PRDM15: variants seen among roughly 807,000 people sequenced by gnomAD.
PRDM15 encodes PR/SET domain 15.
PRDM15 carries 64 observed loss-of-function variants against 128.6 expected under a neutral mutation model. The ratio of observed to expected loss-of-function variants is 0.50; its 90% CI spans 0.41 to 0.61. The LOEUF (loss-of-function observed/expected upper bound fraction) is 0.61, where lower values mean the gene tolerates loss of function less well. PRDM15 is among the 20% of genes least tolerant of loss of function. The probability of loss-of-function intolerance (pLI) is 0.00; values close to 1 mark genes in which losing one functional copy is unlikely to be tolerated. For synonymous variants in PRDM15, 615 were observed against 621.8 expected, an observed-to-expected ratio of 0.99 and a Z score of 0.16; for missense variants, 1,242 against 1,569.1, an observed-to-expected ratio of 0.79 and a Z score of 3.52.
At chr21:41,867,249 C>A in intron 1 of PRDM15, 1 of 1,449,270 alleles carries the variant, frequency 6.9e-7, no homozygotes, top group South Asian at 1.2e-5. Flanking sequence ...AGTCAAACTT[C>A]GTAACACCAA....
intron 21 of PRDM15, among the ~76,000 whole-genome samples, chr21:41,805,093 C>G (rs964078714): frequency 6.6e-6 from 1 of 152,192 alleles, no homozygotes. Context: ...GATGAAGTGA[C>G]GCCCTGCCCC....
intron 1 of PRDM15, among the ~76,000 whole-genome samples, chr21:41,872,883 G>A (rs1490690590): frequency 6.6e-6 from 1 of 152,244 alleles, no homozygotes; most frequent in African/African-American, 2.4e-5. Flanking sequence ...AACTGTGCTA[G>A]GTGGCTTCAC....
At position 41,810,099 on chromosome 21, in the gene PRDM15, T is replaced by C; in HGVS notation, c.2652+55A>G. ...GGTGGGCCATGTGCCAGCATGGGGG[T>C]GTCCGGTGCGCGGCCCGCTGGCGGG... On this transcript the variant is annotated intron_variant, in intron 21 of 23. Transcript: ENST00000398548. The surrounding 1 kb of genome is among the most constrained non-coding windows in gnomAD (Gnocchi z 6.4). The C allele has an allele frequency of 6.5e-7, 1 of 1,542,778 alleles. No homozygotes were observed.
At chr21:41,822,546 G>A (rs2062316743) in intron 14 of PRDM15, among the ~76,000 whole-genome samples, 1 of 152,274 alleles carries the variant, frequency 6.6e-6, no homozygotes, top group African/African-American at 2.4e-5. Context: ...GCCACAGGAG[G>A]TGAGGCCAAT....
intron 11 of PRDM15, among the ~76,000 whole-genome samples, chr21:41,831,768 G>C (rs2146523032): frequency 6.6e-6 from 1 of 152,284 alleles, no homozygotes; most frequent in African/African-American, 2.4e-5. Context: ...CAGGACAGTG[G>C]GAGGTGGCCT....
chr21:41,870,777 AC>A (rs1451952368), intron 1 of PRDM15: 1 of 152,284 alleles, frequency 6.6e-6, no homozygotes, highest in African/African-American at 2.4e-5. Flanking sequence ...AGGATGGTCC[AC>A]ACTGCAGACT....
chr21:41,876,922 A>T (rs1276338488), intron 1 of PRDM15, among the ~76,000 whole-genome samples: 1 of 152,156 alleles, frequency 6.6e-6, no homozygotes, highest in Non-Finnish European at 1.5e-5. Flanking sequence ...CACAGCCAAA[A>T]GATGCAGACT....
intron 19 of PRDM15, chr21:41,815,065 T>G (rs1164074533): frequency 4.5e-5 from 7 of 154,642 alleles, no homozygotes; most frequent in South Asian, 1.9e-4. Context: ...TTCTAAGATC[T>G]TGGCCTTGTG....
chr21:41,856,278 C>T (rs1261321559), intron 4 of PRDM15, among the ~76,000 whole-genome samples: 3 of 93,622 alleles, frequency 3.2e-5, no homozygotes, highest in African/African-American at 4.0e-5. Context: ...TTCCTTCCCT[C>T]CTTCCCCTCC....
At chr21:41,830,469 C>CA (rs2062648572) in intron 11 of PRDM15, among the ~76,000 whole-genome samples, 1 of 151,112 alleles carries the variant, frequency 6.6e-6, no homozygotes, top group Non-Finnish European at 1.5e-5. Flanking sequence ...CACACATACA[C>CA]CACACACACA....
chr21:41,828,269 C>T lies in PRDM15; in HGVS notation c.1431G>A (p.Lys477=). The T allele has an allele frequency of 1.9e-6, 3 of 1,614,038 alleles. No individual in the cohort carries two copies. Among genetic ancestry groups the T allele is most frequent in the Non-Finnish European group, 2.5e-6 (3 of 1,179,974 alleles). ...RFFSTNSNLS[K]HKKKHGDKKF... is the part of the protein sequence containing the mutation. ...TCTTGTCGCCGTGCTTCTTCTTGTG[C>T]TTGGAGAGGTTGCTGTTGGTGGAGA... The change falls in exon 12 of 24, where the codon AAG becomes AAA. Residue 477 remains lysine (K), a synonymous_variant. Coordinates refer to ENST00000398548, the MANE Select transcript of PRDM15 (RefSeq NM_001040424.3). This position sits in a 1 kb window ranked among gnomAD's most constrained non-coding sequence, Gnocchi z 5.7.
rs1010414924 is a variant in PRDM15, at chr21:41,862,971, C to G, written c.-9-2599G>C. On this transcript the variant is annotated intron_variant, in intron 1 of 23. Transcript: ENST00000398548. This position sits in a 1 kb window ranked among gnomAD's most constrained non-coding sequence, Gnocchi z 4.1. ...ATCACTTCAGGTCAGGAGTTCGAGA[C>G]CAGCCTGGCCGACATGGTGAAACCC... Among the ~76,000 whole-genome samples, 53 of 152,144 alleles carry G rather than the reference C, an allele frequency of 3.5e-4. No homozygotes were observed. Among genetic ancestry groups the G allele is most frequent in the Admixed American group, 2.8e-3 (43 of 15,286 alleles).
At chr21:41,819,075 A>T (rs74898231) in intron 18 of PRDM15, among the ~76,000 whole-genome samples, 4,740 of 152,250 alleles carry the variant, frequency 0.031, 253 homozygotes, top group African/African-American at 0.11. Flanking sequence ...TTTTAAAACG[A>T]TTTGTTTGTG....
At chr21:41,806,412 TCACCACCACCACCATCACCACCAC>T (rs2061633893) in intron 21 of PRDM15, among the ~76,000 whole-genome samples, 1 of 6,178 alleles carries the variant, frequency 1.6e-4, no homozygotes. Context: ...ACCACCACCA[TCACCACCACCACCATCACCACCAC>T]CACCATCACC....
At chr21:41,839,935 G>A (rs1344888086) in intron 6 of PRDM15, 82 bp from the exon 7 acceptor site, 2 of 1,159,534 alleles carry the variant, frequency 1.7e-6, no homozygotes, top group African/African-American at 3.1e-5. Context: ...GTTCCTATGT[G>A]TGTGTGTTTT....
intron 16 of PRDM15, 116 bp downstream of exon 16, chr21:41,820,951 C>A: frequency 7.4e-7 from 1 of 1,350,100 alleles, no homozygotes; most frequent in Non-Finnish European, 1.0e-6. Flanking sequence ...GCCCTGAGAC[C>A]CAGAGGACAT....
chr21:41,822,800 T>C (rs1443518972), intron 14 of PRDM15, among the ~76,000 whole-genome samples: 1 of 152,044 alleles, frequency 6.6e-6, no homozygotes, highest in African/African-American at 2.4e-5. Context: ...TTTGGGAGGC[T>C]GAGGCAGGCG....
chr21:41,801,447 C>G lies in PRDM15; in HGVS notation c.3219G>C (p.Gln1073His), dbSNP rs768787999. 1.2e-6 allele frequency: 2 copies of G among 1,614,108 alleles called. No individual in the cohort carries two copies. The highest frequency in any genetic ancestry group is 2.7e-5 in the African/African-American group (2 of 74,936). The change falls in exon 24 of 24, where the codon CAG (glutamine) becomes CAC (histidine). Residue 1073 changes from glutamine (Q) to histidine (H), a missense_variant. Coordinates refer to ENST00000398548, the MANE Select transcript of PRDM15 (RefSeq NM_001040424.3). ...TCAGGTTGATGAAATGGGCCACAGA[C>G]TGTGGGTTCGAGGCTTCCGGCTGGG... ...IHPQPEASNPQSVAHFINLTT... is the reference protein window; with the variant it reads ...IHPQPEASNPHSVAHFINLTT...
At chr21:41,833,675 GT>G (rs1372476670) in intron 11 of PRDM15, among the ~76,000 whole-genome samples, 1 of 152,168 alleles carries the variant, frequency 6.6e-6, no homozygotes, top group African/African-American at 2.4e-5. Context: ...AGGGGAAGAG[GT>G]GGTGCGATGC....
Sources: allele counts gnomAD v4.1 joint callset (sites outside exome capture counted in the v4.1 genomes callset), GRCh38; gene constraint gnomAD v4.1.1; non-coding constraint Gnocchi (gnomAD v3.1); transcripts MANE v1.5; gene names NCBI Gene and HGNC (gene_info 2026-07-23, HGNC 2026-07-21).